EPB41L1: variants seen among roughly 807,000 people sequenced by gnomAD.
EPB41L1 encodes the protein erythrocyte membrane protein band 4.1 like 1.
EPB41L1 carries 29 observed loss-of-function variants against 97.8 expected under a neutral mutation model. The ratio of observed to expected loss-of-function variants is 0.30; its 90% confidence interval spans 0.22 to 0.40. The LOEUF (loss-of-function observed/expected upper bound fraction) is 0.40. EPB41L1 is among the 10% of genes least tolerant of loss of function. The pLI is 1.00. For missense variants in EPB41L1, 812 were observed against 1,162.3 expected, an observed-to-expected ratio of 0.70 and a Z score of 4.38; for synonymous variants, 383 against 459.2, an observed-to-expected ratio of 0.83 and a Z score of 2.12.
chr20:36,229,431 C>G lies in EPB41L1; in HGVS notation c.*91C>G. 1 of 1,299,864 alleles carries G rather than the reference C, an allele frequency of 7.7e-7. No homozygotes were observed. The highest frequency in any genetic ancestry group is 1.1e-6 in the Non-Finnish European group (1 of 894,420). The allele number at this position is 1,299,864 out of a possible 1,614,324, so 80.5% of individuals were successfully genotyped here. A position where few individuals can be genotyped will look rare whatever the true frequency, so the allele number is the denominator to read the frequency against. On this transcript the variant is annotated 3_prime_UTR_variant, in exon 22 of 22. Transcript: ENST00000338074. ...TCATTCTGGATTCTCCGACGCAACA[C>G]TGACGTCCCAGCTGCGACGTACTGT...
rs746221638 is a variant in EPB41L1, at chr20:36,175,673, G to A, written c.300G>A (p.Arg100=). The change falls in exon 3 of 22, where the codon CGG becomes CGA. Residue 100 remains arginine, a synonymous_variant. Coordinates refer to ENST00000338074, the MANE Select transcript of EPB41L1 (RefSeq NM_012156.2). ...AGAAATACAAGAGTGCCATCTGCCGGGTCACTCTGCTTGATGCCTCGGAGT... is the reference window on the plus strand; with the variant it reads ...AGAAATACAAGAGTGCCATCTGCCGAGTCACTCTGCTTGATGCCTCGGAGT... ...IAKKYKSAIC[R]VTLLDASEYE... 5.0e-6 allele frequency: 8 copies of A among 1,613,942 alleles called. No homozygotes were observed. The Admixed American group carries it at 1.0e-4, about 20-fold the overall frequency.
At position 36,206,676 on chromosome 20, in the gene EPB41L1, C is replaced by CA. The variant is rs1280987751; in HGVS notation, c.1669-2810dup. 3 of 1,289,740 alleles carry CA rather than the reference C, an allele frequency of 2.3e-6. No individual in the cohort carries two copies. The African/African-American group carries it at 4.6e-5, about 20-fold the overall frequency. The allele number at this position is 1,289,740 out of a possible 1,614,324, so 79.9% of individuals were successfully genotyped here. A position where few individuals can be genotyped will look rare whatever the true frequency, so the allele number is the denominator to read the frequency against. ...CCCCAAAGGAAGGGGCAGGGACCCC[C>CA]AAGAACCATGGAGGACCTGGTGACC... On this transcript the variant is annotated intron_variant, in intron 14 of 21. Transcript: ENST00000338074. This position sits in a 1 kb window ranked among gnomAD's most constrained non-coding sequence, Gnocchi z 5.5.
Position 36,194,361 on chromosome 20 carries a change from G to T in EPB41L1, c.1449+1G>T, listed in dbSNP as rs111568092. On this transcript the variant is annotated splice_donor_variant, in intron 12 of 21. Coordinates refer to ENST00000338074, the MANE Select transcript of EPB41L1 (RefSeq NM_012156.2). LOFTEE classifies it high-confidence loss of function. ...TCCAACCAAGATCAAGGAGCTAAAG[G>T]TAGGAGCCTGGCTTTCTCATACTCT... 6.2e-7 allele frequency: 1 copy of T among 1,606,380 alleles called. No individual in the cohort carries two copies.
intron 2 of EPB41L1, among the ~76,000 whole-genome samples, chr20:36,115,825 G>A (rs766263812): frequency 9.9e-5 from 15 of 152,160 alleles, no homozygotes; most frequent in Admixed American, 4.6e-4. Flanking sequence ...TCGGGAGGTG[G>A]AGGTTGCAGT....
intron 6 of EPB41L1, 104 bp downstream of exon 6, chr20:36,182,451 G>A (rs2146133761): frequency 2.3e-6 from 3 of 1,284,060 alleles, no homozygotes; most frequent in South Asian, 1.2e-5. Flanking sequence ...AGCTGCAAAT[G>A]CAGTCGCCTA....
At chr20:36,176,563 G>A (rs967656302) in intron 3 of EPB41L1, among the ~76,000 whole-genome samples, 2 of 152,022 alleles carry the variant, frequency 1.3e-5, no homozygotes, top group Admixed American at 6.6e-5. Flanking sequence ...CTGGGAGGCT[G>A]AGTCCCTCTT....
chr20:36,097,300 A>G (rs2057862949), intron 1 of EPB41L1, among the ~76,000 whole-genome samples: 1 of 152,186 alleles, frequency 6.6e-6, no homozygotes, highest in Non-Finnish European at 1.5e-5. Flanking sequence ...GGGGCTTGCC[A>G]TGTACTAGCT....
chr20:36,227,333 C>T (rs867639827), intron 21 of EPB41L1, among the ~76,000 whole-genome samples: 3 of 151,946 alleles, frequency 2.0e-5, no homozygotes, highest in Non-Finnish European at 4.4e-5. Flanking sequence ...AAACAAAAAA[C>T]GAAACGAAGG....
intron 14 of EPB41L1, among the ~76,000 whole-genome samples, chr20:36,200,229 G>A (rs2062426125): frequency 2.6e-5 from 4 of 152,180 alleles, no homozygotes; most frequent in Admixed American, 2.0e-4. Flanking sequence ...TCATTCCATA[G>A]GGTAGTTGGG....
At chr20:36,144,337 G>A (rs545885914) in intron 2 of EPB41L1, among the ~76,000 whole-genome samples, 2 of 152,274 alleles carry the variant, frequency 1.3e-5, no homozygotes, top group South Asian at 4.2e-4. Context: ...CCTTGAGCCA[G>A]GGTCTAGCTA....
intron 11 of EPB41L1, among the ~76,000 whole-genome samples, chr20:36,192,138 A>C (rs1569267482): frequency 6.6e-6 from 1 of 151,802 alleles, no homozygotes; most frequent in East Asian, 1.9e-4. Flanking sequence ...AAACAGGAGA[A>C]TTGCTTGGAC....
intron 1 of EPB41L1, among the ~76,000 whole-genome samples, chr20:36,167,001 C>T (rs1349393037): frequency 6.6e-6 from 1 of 152,068 alleles, no homozygotes; most frequent in African/African-American, 2.4e-5. Context: ...GTAATTAATG[C>T]CTCTGAATTG....
At chr20:36,187,856 T>G in intron 8 of EPB41L1, 93 bp downstream of exon 8, 2 of 1,051,268 alleles carry the variant, frequency 1.9e-6, no homozygotes, top group Non-Finnish European at 2.9e-6. Context: ...CCAGACCCTG[T>G]GTTACCTCCA....
At chr20:36,173,004 G>A (rs1356143919) in intron 1 of EPB41L1, among the ~76,000 whole-genome samples, 1 of 152,174 alleles carries the variant, frequency 6.6e-6, no homozygotes, top group Admixed American at 6.5e-5. Context: ...ATGGGTCCTT[G>A]ACTCTCTGAA....
At chr20:36,106,394 G>A (rs1236691530) in intron 1 of EPB41L1, among the ~76,000 whole-genome samples, 1 of 152,208 alleles carries the variant, frequency 6.6e-6, no homozygotes, top group Non-Finnish European at 1.5e-5. Context: ...CAAAGTTTAG[G>A]GACAGAGCTC....
intron 2 of EPB41L1, among the ~76,000 whole-genome samples, chr20:36,129,454 C>T (rs1038431537): frequency 2.6e-5 from 4 of 151,938 alleles, no homozygotes; most frequent in African/African-American, 7.3e-5. Flanking sequence ...GTGTGAGGGC[C>T]GATTGTTAGA....
intron 7 of EPB41L1, among the ~76,000 whole-genome samples, chr20:36,186,685 T>C (rs974121638): frequency 2.6e-5 from 4 of 152,180 alleles, no homozygotes; most frequent in African/African-American, 9.7e-5. Flanking sequence ...CTGTCCTAGA[T>C]AGCAAGACAT....
chr20:36,214,514 A>G (rs1601022025), intron 17 of EPB41L1, 74 bp downstream of exon 17: 3 of 1,245,984 alleles, frequency 2.4e-6, no homozygotes, highest in African/African-American at 3.0e-5. Flanking sequence ...ACAAGCTAAC[A>G]TCGCCTGGCT....
At chr20:36,227,273 C>T (rs545282557) in intron 21 of EPB41L1, among the ~76,000 whole-genome samples, 105 of 152,024 alleles carry the variant, frequency 6.9e-4, no homozygotes, top group African/African-American at 2.3e-3. Flanking sequence ...GCTATGATCG[C>T]GCCACTGCAC....
Sources: allele counts gnomAD v4.1 joint callset (sites outside exome capture counted in the v4.1 genomes callset), GRCh38; gene constraint gnomAD v4.1.1; non-coding constraint Gnocchi (gnomAD v3.1); transcripts MANE v1.5; gene names NCBI Gene and HGNC (gene_info 2026-07-23, HGNC 2026-07-21).